Variants in CFAP299 observed in about 807,000 individuals in gnomAD.
The protein encoded by CFAP299 is cilia and flagella associated protein 299.
A neutral mutation model predicts 27.0 loss-of-function variants in CFAP299; 21 were observed. The ratio of observed to expected loss-of-function variants is 0.78; its 90% CI spans 0.55 to 1.12. The LOEUF is 1.12. Ranked by LOEUF, CFAP299 falls within the 50% of genes most tolerant of loss-of-function variation. The pLI is 0.00. For missense variants in CFAP299, 310 were observed against 276.6 expected (o/e 1.12, Z -0.86); for synonymous variants, 104 against 98.1 (o/e 1.06, Z -0.36).
chr4:80,485,752 TAA>T (rs1327394122), intron 2 of CFAP299, among the ~76,000 whole-genome samples: 3 of 152,276 alleles, frequency 2.0e-5, no homozygotes, highest in East Asian at 1.9e-4. Context: ...CTAAAAACAT[TAA>T]GTCTTTATCT....
At chr4:80,471,288 A>G (rs1286182234) in intron 2 of CFAP299, among the ~76,000 whole-genome samples, 6 of 151,994 alleles carry the variant, frequency 3.9e-5, no homozygotes, top group African/African-American at 1.4e-4. Context: ...CCTCAAACAA[A>G]TAACAACTAC....
Position 80,912,072 on chromosome 4 carries a change from T to C in CFAP299, c.477-32738T>C, listed in dbSNP as rs140115469. On this transcript the variant is annotated intron_variant, in intron 4 of 5. Coordinates refer to ENST00000358105, the MANE Select transcript of CFAP299 (RefSeq NM_152770.3). Reference sequence around the variant, plus strand: ...ACAAAATATTAAGCATTTGATCCTCTAAATAAAATGTTCTACTTATTGAGA... The same window carrying C: ...ACAAAATATTAAGCATTTGATCCTCCAAATAAAATGTTCTACTTATTGAGA... 1.8e-3 allele frequency among the ~76,000 whole-genome samples: 281 copies of C among 152,292 alleles called. 6 individuals carry two copies. Among genetic ancestry groups the C allele is most frequent in the Admixed American group, 0.016 (250 of 15,290 alleles).
intron 4 of CFAP299, among the ~76,000 whole-genome samples, chr4:80,910,028 G>A (rs1735388315): frequency 6.6e-6 from 1 of 152,004 alleles, no homozygotes; most frequent in Non-Finnish European, 1.5e-5. Flanking sequence ...AATATGCAAG[G>A]AAAAGGTTTA....
intron 4 of CFAP299, among the ~76,000 whole-genome samples, chr4:80,936,093 A>G (rs1165074505): frequency 6.6e-6 from 1 of 152,170 alleles, no homozygotes; most frequent in Admixed American, 6.6e-5. Context: ...AGCTTTTACC[A>G]TTACTTTTAA....
intron 3 of CFAP299, among the ~76,000 whole-genome samples, chr4:80,857,730 C>G (rs866543647): frequency 1.4e-4 from 21 of 152,290 alleles, no homozygotes; most frequent in African/African-American, 4.6e-4. Context: ...GTATATTGAA[C>G]CAGCCTTGCA....
chr4:80,535,145 A>T (rs1733663058), intron 2 of CFAP299, among the ~76,000 whole-genome samples: 2 of 149,940 alleles, frequency 1.3e-5, no homozygotes, highest in South Asian at 4.4e-4. Flanking sequence ...CCCATCATAA[A>T]AATATAATAA....
upstream of CFAP299, chr4:80,335,592 GA>G: frequency 3.2e-6 from 2 of 615,640 alleles, no homozygotes; most frequent in East Asian, 5.8e-5. Flanking sequence ...GGTAATTCCA[GA>G]AAGTTTTCAC....
At chr4:80,759,433 A>G (rs1409257424) in intron 3 of CFAP299, among the ~76,000 whole-genome samples, 2 of 152,176 alleles carry the variant, frequency 1.3e-5, no homozygotes, top group Non-Finnish European at 2.9e-5. Flanking sequence ...TTCTCTACTC[A>G]TTACAGACTT....
chr4:80,742,697 T>C (rs1242662699), intron 3 of CFAP299, among the ~76,000 whole-genome samples: 1 of 152,158 alleles, frequency 6.6e-6, no homozygotes, highest in African/African-American at 2.4e-5. Context: ...GCTGACATTT[T>C]AAAAATAAAA....
intron 2 of CFAP299, among the ~76,000 whole-genome samples, chr4:80,438,875 C>A (rs1241607970): frequency 6.6e-6 from 1 of 151,996 alleles, no homozygotes; most frequent in Non-Finnish European, 1.5e-5. Context: ...GCTCCTCAGT[C>A]GATATTTACA....
At chr4:80,687,705 C>G (rs906702429) in intron 3 of CFAP299, among the ~76,000 whole-genome samples, 1 of 152,204 alleles carries the variant, frequency 6.6e-6, no homozygotes, top group African/African-American at 2.4e-5. Context: ...CGAATAGGAA[C>G]AGCTCCGGTC....
intron 3 of CFAP299, among the ~76,000 whole-genome samples, chr4:80,590,704 G>T (rs377667425): frequency 2.0e-4 from 31 of 152,212 alleles, no homozygotes; most frequent in African/African-American, 7.5e-4. Context: ...TTTATATAAA[G>T]TTCAAAAACT....
At position 80,592,667 on chromosome 4, in the gene CFAP299, C is replaced by T. The variant is rs946631004; in HGVS notation, c.333+9484C>T. Among the ~76,000 whole-genome samples the T allele has an allele frequency of 3.3e-5, 5 of 152,070 alleles. No homozygotes were observed. In the East Asian group the frequency reaches 5.8e-4, roughly 18 times the overall value. ...CAGAGGATTAAAAGGGATATAACCA[C>T]GATTACTCTTTAAAATTTATGAAAA... On this transcript the variant is annotated intron_variant, in intron 3 of 5. Coordinates refer to ENST00000358105, the MANE Select transcript of CFAP299 (RefSeq NM_152770.3).
intron 2 of CFAP299, among the ~76,000 whole-genome samples, chr4:80,407,287 T>C (rs1035403688): frequency 2.0e-5 from 3 of 152,130 alleles, no homozygotes; most frequent in Non-Finnish European, 4.4e-5. Context: ...ACCCCAAAAC[T>C]CTGTGGCTTA....
At chr4:80,940,643 A>G (rs1034906785) in intron 4 of CFAP299, among the ~76,000 whole-genome samples, 1 of 152,108 alleles carries the variant, frequency 6.6e-6, no homozygotes. Flanking sequence ...TATCTTGCTG[A>G]TGTCCCTCTG....
intron 2 of CFAP299, among the ~76,000 whole-genome samples, chr4:80,417,136 G>T (rs558831844): frequency 7.2e-5 from 11 of 152,328 alleles, no homozygotes; most frequent in Admixed American, 5.2e-4. Flanking sequence ...CACCTTTTTA[G>T]ACTGTAAGGT....
intron 2 of CFAP299, among the ~76,000 whole-genome samples, chr4:80,554,998 G>A (rs140402404): frequency 0.014 from 2,153 of 152,016 alleles, 47 homozygotes; most frequent in African/African-American, 0.05. Context: ...TATTTCTTTC[G>A]CTTGCCTGAT....
At chr4:80,564,387 A>G (rs1164548041) in intron 2 of CFAP299, among the ~76,000 whole-genome samples, 1 of 152,064 alleles carries the variant, frequency 6.6e-6, no homozygotes, top group African/African-American at 2.4e-5. Flanking sequence ...ATGCAAGTCA[A>G]TCAATGTGAT....
intron 2 of CFAP299, among the ~76,000 whole-genome samples, chr4:80,421,775 A>G (rs1727295435): frequency 6.6e-6 from 1 of 152,216 alleles, no homozygotes; most frequent in Non-Finnish European, 1.5e-5. Context: ...TCTCAAAGAG[A>G]TCTTTTACAC....
Sources: gnomAD v4.1 joint callset for allele counts (sites outside exome capture counted in the v4.1 genomes callset) on GRCh38, gnomAD v4.1.1 for gene constraint, MANE v1.5 for transcripts, NCBI Gene and HGNC (gene_info 2026-07-23, HGNC 2026-07-21) for gene names.